YTHDC1: variants seen among roughly 807,000 people sequenced by gnomAD.
The protein encoded by YTHDC1 is YTH N6-methyladenosine RNA binding protein C1, also known as YTH domain-containing protein 1.
A neutral mutation model predicts 107.0 loss-of-function variants in YTHDC1; 12 were observed. That is an observed-to-expected ratio of 0.11 (90% CI 0.07 to 0.18). The LOEUF (loss-of-function observed/expected upper bound fraction) is 0.18, where lower values mean the gene tolerates loss of function less well. Ranked by LOEUF, YTHDC1 falls within the 10% of genes least tolerant of loss-of-function variation. YTHDC1 has a pLI of 1.00. For missense variants in YTHDC1, 635 were observed against 898.8 expected (o/e 0.71, Z 3.75); for synonymous variants, 280 against 289.5 (o/e 0.97, Z 0.33).
At position 68,349,872 on chromosome 4, in the gene YTHDC1, G is replaced by A. The variant is rs1196119831; in HGVS notation, c.-119C>T. 8 of 1,431,072 alleles carry A rather than the reference G, an allele frequency of 5.6e-6. No individual in the cohort carries two copies. Among genetic ancestry groups the A allele is most frequent in the African/African-American group, 4.2e-5 (3 of 71,094 alleles). The allele number at this position is 1,431,072 out of a possible 1,614,324, so 88.6% of individuals were successfully genotyped here. A position where few individuals can be genotyped will look rare whatever the true frequency, so the allele number is the denominator to read the frequency against. On this transcript the variant is annotated 5_prime_UTR_variant, in exon 1 of 17. Coordinates refer to ENST00000344157, the MANE Select transcript of YTHDC1 (RefSeq NM_001031732.4). ...CGTCAGTCCGTCTGCCCGGATACGC[G>A]CGTCGCACTTGGCCTCTTAACACTC... is the stretch of plus-strand genomic sequence containing the variant.
chr4:68,312,929 G>A lies in YTHDC1; in HGVS notation c.*1170C>T, dbSNP rs1172259315. On this transcript the variant is annotated 3_prime_UTR_variant, in exon 17 of 17. Coordinates refer to ENST00000344157, the MANE Select transcript of YTHDC1 (RefSeq NM_001031732.4). ...ATAGTTGGTTACCACTGGGAGAACT[G>A]GACAGTTAACTTAAAATACAGAACT... 7 of 152,140 alleles carry A rather than the reference G, an allele frequency of 4.6e-5. No individual in the cohort carries two copies. Among genetic ancestry groups the A allele is most frequent in the African/African-American group, 1.7e-4 (7 of 41,418 alleles). 9.4% of individuals were successfully genotyped at this position (152,140 alleles called of 1,614,324 possible). A position where few individuals can be genotyped will look rare whatever the true frequency, so the allele number is the denominator to read the frequency against.
At chr4:68,319,789 G>A (rs1359023029) in intron 12 of YTHDC1, among the ~76,000 whole-genome samples, 1 of 152,056 alleles carries the variant, frequency 6.6e-6, no homozygotes, top group Admixed American at 6.6e-5. Context: ...CTACCATAGG[G>A]AACAAAAAGC....
In YTHDC1 at chr4:68,349,742, G is replaced by T; in HGVS notation, c.12C>A (p.Asp4Glu). Reference protein sequence around the residue: MAADSREEKDGELN... With the variant: MAAESREEKDGELN... ...CGCACTAACCTTTCTCCTCCCGACT[G>T]TCAGCCGCCATGGCTCCCCTTCGGT... The change falls in exon 1 of 17, where the codon GAC becomes GAA. Residue 4 changes from aspartate (D) to glutamate (E), a missense_variant. Around this residue, in one of 5 missense-constraint regions of YTHDC1, gnomAD observed 21 missense variants for 21.4 expected, o/e 0.98. Coordinates refer to ENST00000344157, the MANE Select transcript of YTHDC1 (RefSeq NM_001031732.4). The T allele has an allele frequency of 1.2e-6, 2 of 1,612,956 alleles. No individual in the cohort carries two copies. The highest frequency in any genetic ancestry group is 8.5e-7 in the Non-Finnish European group (1 of 1,179,786).
chr4:68,338,455 A>G, intron 1 of YTHDC1, 71 bp from the exon 2 acceptor site: 20 of 1,152,660 alleles, frequency 1.7e-5, no homozygotes, highest in Non-Finnish European at 2.3e-5. Flanking sequence ...GTACTTACTA[A>G]GTGTGAGGCC....
intron 16 of YTHDC1, among the ~76,000 whole-genome samples, chr4:68,314,918 T>G (rs991797257): frequency 6.6e-6 from 1 of 152,214 alleles, no homozygotes; most frequent in African/African-American, 2.4e-5. Context: ...TTACTGATTT[T>G]GGTCTTCTCT....
intron 1 of YTHDC1, chr4:68,343,967 C>T (rs1725135881): frequency 6.6e-6 from 1 of 152,102 alleles, no homozygotes; most frequent in Non-Finnish European, 1.5e-5. Context: ...CTCTTGAATG[C>T]TGTTTTTAAA....
intron 7 of YTHDC1, 127 bp downstream of exon 7, chr4:68,331,976 T>C (rs375562601): frequency 3.9e-4 from 199 of 503,870 alleles, no homozygotes; most frequent in South Asian, 1.9e-3. Flanking sequence ...TAAGTGGCCA[T>C]TGGAATGTAG....
At chr4:68,348,544 T>C (rs558505506) in intron 1 of YTHDC1, among the ~76,000 whole-genome samples, 55 of 150,736 alleles carry the variant, frequency 3.6e-4, no homozygotes, top group Non-Finnish European at 6.8e-4. Context: ...ATTAAACTGC[T>C]ATAACCTAAT....
At position 68,330,449 on chromosome 4, in the gene YTHDC1, A is replaced by G. The variant is rs531995256; in HGVS notation, c.1123-139T>C. 20 of 519,922 alleles carry G rather than the reference A, an allele frequency of 3.8e-5. No homozygotes were observed. The South Asian group carries it at 8.3e-4, about 22-fold the overall frequency. The allele number at this position is 519,922 out of a possible 1,614,324, so 32.2% of individuals were successfully genotyped here. On this transcript the variant is annotated intron_variant, in intron 7 of 16. Transcript: ENST00000344157. The stretch of plus-strand genomic sequence containing the variant: ...ATAATGAAGAAAGGTTTTATTTATC[A>G]GCTGTCAGAATAACGTAGTAATAAT...
At position 68,333,307 on chromosome 4, in the gene YTHDC1, CCTG is replaced by C. The variant is rs777497099; in HGVS notation, c.971_973del (p.Ala324del). ...CAGATATGATCACAAAATGAGAATA[CCTG>C]CATATGACTCTGATGCAGAGCTTCC... On this transcript the variant is annotated inframe_deletion and splice_region_variant, in exon 5 of 17. Coordinates refer to ENST00000344157, the MANE Select transcript of YTHDC1 (RefSeq NM_001031732.4). 12 of 1,604,884 alleles carry C rather than the reference CCTG, an allele frequency of 7.5e-6. No individual in the cohort carries two copies. Among genetic ancestry groups the C allele is most frequent in the Non-Finnish European group, 8.5e-6 (10 of 1,173,368 alleles).
chr4:68,349,481 G>C (rs146386110), intron 1 of YTHDC1, among the ~76,000 whole-genome samples: 9 of 152,248 alleles, frequency 5.9e-5, no homozygotes, highest in African/African-American at 1.7e-4. Context: ...GGAAAGTCAA[G>C]CGTGAAATCC....
At position 68,337,587 on chromosome 4, in the gene YTHDC1, C is replaced by A. The variant is rs747507075; in HGVS notation, c.444G>T (p.Thr148=). The A allele has an allele frequency of 6.2e-7, 1 of 1,609,374 alleles. No individual in the cohort carries two copies. Among genetic ancestry groups the A allele is most frequent in the Non-Finnish European group, 8.5e-7 (1 of 1,178,760 alleles). The change falls in exon 3 of 17, where the codon ACG becomes ACT. Residue 148 remains threonine (T), a synonymous_variant. Transcript: ENST00000344157. ...RDPERRAKSP[T]PDGSERIGLE... ...TATTTACTACCTCAGAACCATCTGG[C>A]GTAGGAGATTTGGCCCTCCTTTCAG...
At chr4:68,332,979 A>T (rs1380876167) in intron 5 of YTHDC1, 132 bp from the exon 6 acceptor site, 1 of 743,934 alleles carries the variant, frequency 1.3e-6, no homozygotes, top group Middle Eastern at 2.4e-4. Flanking sequence ...CACACAAAAA[A>T]AACTTCTCAA....
chr4:68,337,602 C>T lies in YTHDC1; in HGVS notation c.429G>A (p.Arg143=). ...AACCATCTGGCGTAGGAGATTTGGC[C>T]CTCCTTTCAGGATCCCTTTTCCGGA... is the stretch of plus-strand genomic sequence containing the variant. ...TCVRKRDPER[R]AKSPTPDGSE... Residue 143 remains arginine, a synonymous_variant, in exon 3 of 17, where the codon AGG becomes AGA. Transcript: ENST00000344157. 1 of 1,610,904 alleles carries T rather than the reference C, an allele frequency of 6.2e-7. No individual in the cohort carries two copies. The highest frequency in any genetic ancestry group is 8.5e-7 in the Non-Finnish European group (1 of 1,179,216).
intron 15 of YTHDC1, among the ~76,000 whole-genome samples, chr4:68,318,154 G>A (rs1365318173): frequency 6.6e-6 from 1 of 152,198 alleles, no homozygotes. Flanking sequence ...CTGGAGTGCA[G>A]TGGCGCAATC....
chr4:68,331,052 G>T (rs1228008434), intron 7 of YTHDC1, among the ~76,000 whole-genome samples: 1 of 152,200 alleles, frequency 6.6e-6, no homozygotes. Context: ...ATCTGAGGAT[G>T]CTCAAGTCCC....
At position 68,312,973 on chromosome 4, in the gene YTHDC1, G is replaced by A. The variant is rs545167412; in HGVS notation, c.*1126C>T. 6.6e-6 allele frequency: 1 copy of A among 152,300 alleles called. No homozygotes were observed. Among genetic ancestry groups the A allele is most frequent in the South Asian group, 2.1e-4 (1 of 4,832 alleles). The allele number at this position is 152,300 out of a possible 1,614,324, so 9.4% of individuals were successfully genotyped here. A position where few individuals can be genotyped will look rare whatever the true frequency, so the allele number is the denominator to read the frequency against. ...CAGAACTAATACAAGAGGGTTAAAAGTCCATTTATGAAGTAAAGTAGAAAG... is the reference window on the plus strand; with the variant it reads ...CAGAACTAATACAAGAGGGTTAAAAATCCATTTATGAAGTAAAGTAGAAAG... On this transcript the variant is annotated 3_prime_UTR_variant, in exon 17 of 17. Coordinates refer to ENST00000344157, the MANE Select transcript of YTHDC1 (RefSeq NM_001031732.4).
Position 68,310,459 on chromosome 4 carries a change from G to A in YTHDC1, c.*3640C>T, listed in dbSNP as rs1721221495. 6.6e-6 allele frequency: 1 copy of A among 152,124 alleles called. No homozygotes were observed. The allele number at this position is 152,124 out of a possible 1,614,324, so 9.4% of individuals were successfully genotyped here. On this transcript the variant is annotated 3_prime_UTR_variant, in exon 17 of 17. Transcript: ENST00000344157. Reference sequence around the variant, plus strand: ...GTCAATAATCTATATTTAAGACACAGAAGAAACTGAAAGTGTAAGATTTAG... The same window carrying A: ...GTCAATAATCTATATTTAAGACACAAAAGAAACTGAAAGTGTAAGATTTAG...
chr4:68,316,577 A>T (rs1278724735), intron 15 of YTHDC1, 129 bp from the exon 16 acceptor site: 2 of 1,088,916 alleles, frequency 1.8e-6, no homozygotes, highest in Non-Finnish European at 2.5e-6. Flanking sequence ...CTTTGATGGC[A>T]TTAAGGTGTT....
Sources: gnomAD v4.1 joint callset for allele counts (sites outside exome capture counted in the v4.1 genomes callset) on GRCh38, gnomAD v4.1.1 for gene constraint, gnomAD v4.1.1 regional missense constraint, MANE v1.5 for transcripts, NCBI Gene and HGNC (gene_info 2026-07-23, HGNC 2026-07-21) for gene names.